Variants in AFF3 observed in about 807,000 individuals in gnomAD.
AFF3 encodes ALF transcription elongation factor 3, also known as AF4/FMR2 family member 3.
AFF3 carries 32 observed loss-of-function variants against 129.7 expected under a neutral mutation model. The observed-to-expected ratio is 0.25, with a 90% CI of 0.19 to 0.33. The LOEUF is 0.33. Among genes scored for constraint, AFF3 ranks in the 10% least tolerant of loss-of-function variants. The pLI, the probability that AFF3 is intolerant of heterozygous loss-of-function variation, is 1.00. For synonymous variants in AFF3, 644 were observed against 635.4 expected, an observed-to-expected ratio of 1.01 and a Z score of -0.20; for missense variants, 1,373 against 1,592.0, an observed-to-expected ratio of 0.86 and a Z score of 2.34.
At chr2:100,125,574 C>T (rs569039164) in intron 2 of AFF3, among the ~76,000 whole-genome samples, 51 of 152,058 alleles carry the variant, frequency 3.4e-4, no homozygotes, top group African/African-American at 1.1e-3. Flanking sequence ...AAGAGAAGGG[C>T]CAGGGGCTGT....
Position 99,744,152 on chromosome 2 carries a change from A to C in AFF3, c.1003-12T>G, listed in dbSNP as rs770821577. ...ACAAGCTGAGAGTCCTGAAAGAACAAGAAATATCAATTAATTTTCTTATTT... is the reference window on the plus strand; with the variant it reads ...ACAAGCTGAGAGTCCTGAAAGAACACGAAATATCAATTAATTTTCTTATTT... On this transcript the variant is annotated splice_polypyrimidine_tract_variant and intron_variant, in intron 9 of 24. Coordinates refer to ENST00000672756, the MANE Select transcript of AFF3 (RefSeq NM_001386135.1). The C allele has an allele frequency of 3.7e-6, 6 of 1,602,640 alleles. No individual in the cohort carries two copies. The South Asian group carries it at 6.7e-5, about 18-fold the overall frequency.
intron 7 of AFF3, among the ~76,000 whole-genome samples, chr2:99,977,253 A>G (rs1437444738): frequency 6.6e-6 from 1 of 152,192 alleles, no homozygotes; most frequent in Non-Finnish European, 1.5e-5. Context: ...AGCCCAGGAC[A>G]TCTAGAGAGT....
At chr2:100,129,712 G>A (rs75362080) in intron 1 of AFF3, among the ~76,000 whole-genome samples, 2,736 of 152,186 alleles carry the variant, frequency 0.018, 99 homozygotes, top group African/African-American at 0.062. Flanking sequence ...TTTACTGAGC[G>A]CTTAGCATGT....
intron 15 of AFF3, among the ~76,000 whole-genome samples, chr2:99,588,768 C>T (rs1262878824): frequency 2.0e-5 from 3 of 152,200 alleles, no homozygotes; most frequent in Non-Finnish European, 4.4e-5. Context: ...AGGGCTCCAG[C>T]AGGGCGAGAC....
chr2:100,048,699 T>C (rs935819903), intron 4 of AFF3, among the ~76,000 whole-genome samples: 3 of 152,206 alleles, frequency 2.0e-5, no homozygotes, highest in Non-Finnish European at 2.9e-5. Context: ...AATACTGCAA[T>C]AATTACCAGT....
chr2:99,571,616 T>C (rs1676483640), intron 18 of AFF3, among the ~76,000 whole-genome samples: 1 of 152,198 alleles, frequency 6.6e-6, no homozygotes, highest in Non-Finnish European at 1.5e-5. Flanking sequence ...GAGATGCTAA[T>C]AGCATAGGTA....
At chr2:99,671,914 A>T (rs1687175779) in intron 12 of AFF3, among the ~76,000 whole-genome samples, 1 of 152,186 alleles carries the variant, frequency 6.6e-6, no homozygotes, top group Admixed American at 6.6e-5. Flanking sequence ...TCAGAAGAGT[A>T]TTTATAACCC....
intron 4 of AFF3, among the ~76,000 whole-genome samples, chr2:100,078,105 TAG>T (rs1420468941): frequency 1.3e-5 from 2 of 152,194 alleles, no homozygotes; most frequent in Non-Finnish European, 1.5e-5. Flanking sequence ...ATATTCCAAC[TAG>T]AAAGCAGCAC....
At chr2:99,563,438 C>G (rs1007377615) in intron 20 of AFF3, among the ~76,000 whole-genome samples, 1 of 151,542 alleles carries the variant, frequency 6.6e-6, no homozygotes, top group Non-Finnish European at 1.5e-5. Context: ...GCTCTGCCTG[C>G]CTCAGCCTCC....
chr2:99,895,735 C>T (rs1341195294), intron 7 of AFF3, among the ~76,000 whole-genome samples: 1 of 152,052 alleles, frequency 6.6e-6, no homozygotes, highest in Non-Finnish European at 1.5e-5. Context: ...AGGGAATAAA[C>T]CATATTTGCA....
intron 7 of AFF3, among the ~76,000 whole-genome samples, chr2:99,907,542 C>CTT (rs1345183658): frequency 7.1e-6 from 1 of 140,694 alleles, no homozygotes. Context: ...TTTTACTATT[C>CTT]TTTTTTTTTT....
rs969608817 is a variant in AFF3, at chr2:100,061,862, G to C, written c.53+42540C>G. Among the ~76,000 whole-genome samples the C allele has an allele frequency of 2.6e-4, 40 of 151,366 alleles. 1 individual carries two copies. Among genetic ancestry groups the C allele is most frequent in the Middle Eastern group, 3.4e-3 (1 of 294 alleles). ...AGAGATGGGTAGCACAGTGGAGGGG[G>C]GGGGGGTGCCGACTCTCAAGTCCAC... On this transcript the variant is annotated intron_variant, in intron 4 of 24. Coordinates refer to ENST00000672756, the MANE Select transcript of AFF3 (RefSeq NM_001386135.1).
intron 11 of AFF3, chr2:99,707,310 G>GA (rs748294184): frequency 1.2e-4 from 122 of 981,526 alleles, no homozygotes; most frequent in Middle Eastern, 5.2e-4. Context: ...AGAGATTAAA[G>GA]AAAAAAAAAT....
At chr2:99,676,809 G>C (rs994786709) in intron 11 of AFF3, among the ~76,000 whole-genome samples, 4 of 152,218 alleles carry the variant, frequency 2.6e-5, no homozygotes, top group African/African-American at 9.6e-5. Context: ...GCTGGTCTGA[G>C]TGGCTTTATG....
At chr2:100,034,001 T>C (rs1684717061) in intron 4 of AFF3, among the ~76,000 whole-genome samples, 1 of 152,212 alleles carries the variant, frequency 6.6e-6, no homozygotes. Flanking sequence ...ATTATTTTGA[T>C]TTAATTCTCA....
chr2:100,070,578 C>T (rs1280502045), intron 4 of AFF3, among the ~76,000 whole-genome samples: 4 of 152,114 alleles, frequency 2.6e-5, no homozygotes, highest in South Asian at 2.1e-4. Flanking sequence ...GAATTCTAAT[C>T]GTCAGTTATA....
chr2:99,788,989 T>A (rs1221163614), intron 8 of AFF3, among the ~76,000 whole-genome samples: 1 of 152,194 alleles, frequency 6.6e-6, no homozygotes, highest in Admixed American at 6.5e-5. Context: ...ATAGCTTGAG[T>A]GTATAGTAGG....
At chr2:99,939,361 C>A (rs1445199612) in intron 7 of AFF3, among the ~76,000 whole-genome samples, 1 of 152,194 alleles carries the variant, frequency 6.6e-6, no homozygotes, top group Non-Finnish European at 1.5e-5. Flanking sequence ...TAACATTTAA[C>A]CTTCCTGATG....
In AFF3 at chr2:99,601,536, AGCTGCTGCTGCCGCTGCT is replaced by A; in HGVS notation, c.1252_1269del (p.Gly420_Ser425del). ...GAGCTGCTCTCTGAGTCGCTGGAGG[AGCTGCTGCTGCCGCTGCT>A]GCTGCTGCTGCTGCTGCCCTTGCTG... On this transcript the variant is annotated inframe_deletion, in exon 14 of 25. Transcript: ENST00000672756. 6.2e-7 allele frequency: 1 copy of A among 1,603,510 alleles called. No individual in the cohort carries two copies. Among genetic ancestry groups the A allele is most frequent in the Non-Finnish European group, 8.5e-7 (1 of 1,176,464 alleles).
Sources: allele counts gnomAD v4.1 joint callset (sites outside exome capture counted in the v4.1 genomes callset), GRCh38; gene constraint gnomAD v4.1.1; transcripts MANE v1.5; gene names NCBI Gene and HGNC (gene_info 2026-07-23, HGNC 2026-07-21).